Variants in ANK3 observed in about 807,000 individuals in gnomAD.
ANK3 encodes ankyrin 3.
A neutral mutation model predicts 370.9 loss-of-function variants in ANK3; 57 were observed. The observed-to-expected ratio is 0.15, with a 90% CI of 0.12 to 0.19. The LOEUF (loss-of-function observed/expected upper bound fraction) is 0.19, where lower values mean the gene tolerates loss of function less well. Among genes scored for constraint, ANK3 ranks in the 10% least tolerant of loss-of-function variants. The pLI is 1.00. For missense variants in ANK3, 4,439 were observed against 5,302.1 expected (o/e 0.84, Z 5.06); for synonymous variants, 1,929 against 1,946.3 (o/e 0.99, Z 0.23).
At position 60,070,111 on chromosome 10, in the gene ANK3, A is replaced by C; in HGVS notation, c.10770T>G (p.Asp3590Glu). Reference sequence around the variant, plus strand: ...TAGGCTCACTAGTTGGGGTACTTTCATCAGTTGGCGTTCTGGCTGGCGTTG... The same window carrying C: ...TAGGCTCACTAGTTGGGGTACTTTCCTCAGTTGGCGTTCTGGCTGGCGTTG... The part of the protein sequence containing the change: ...PDTTPARTPT[D>E]ESTPTSEPNP... The change falls in exon 37 of 44, where the codon GAT becomes GAG. Residue 3590 changes from aspartate (D) to glutamate (E), a missense_variant. Asp to Glu is a conservative substitution (Grantham distance 45). This residue lies in a region of ANK3 where 1,601 missense variants were observed against 1,731.7 expected (regional missense o/e 0.92). Coordinates refer to ENST00000280772, the MANE Select transcript of ANK3 (RefSeq NM_020987.5). The surrounding 1 kb of genome is among the most constrained non-coding windows in gnomAD (Gnocchi z 5.7). The C allele has an allele frequency of 6.2e-7, 1 of 1,614,090 alleles. No homozygotes were observed. The highest frequency in any genetic ancestry group is 8.5e-7 in the Non-Finnish European group (1 of 1,179,974).
chr10:60,554,920 A>G (rs2077173837), intron 2 of ANK3, among the ~76,000 whole-genome samples: 1 of 152,232 alleles, frequency 6.6e-6, no homozygotes. Flanking sequence ...GGAAAAATGT[A>G]TTTGGAAATA....
chr10:60,298,035 C>T (rs1465610192), intron 1 of ANK3, among the ~76,000 whole-genome samples: 1 of 152,016 alleles, frequency 6.6e-6, no homozygotes, highest in East Asian at 1.9e-4. Context: ...CATCCAAATT[C>T]AAAGATTTTC....
chr10:60,382,211 C>T (rs1236758377), intron 1 of ANK3, among the ~76,000 whole-genome samples: 1 of 152,132 alleles, frequency 6.6e-6, no homozygotes, highest in Non-Finnish European at 1.5e-5. Context: ...CCTCTTAGGG[C>T]CTAGTTCTAT....
intron 7 of ANK3, among the ~76,000 whole-genome samples, chr10:60,243,292 AT>A (rs2097500807): frequency 6.6e-6 from 1 of 152,168 alleles, no homozygotes; most frequent in Non-Finnish European, 1.5e-5. Context: ...TAGAAACTTA[AT>A]CTCCAAATTC....
intron 2 of ANK3, among the ~76,000 whole-genome samples, chr10:60,485,774 A>C (rs2075332235): frequency 6.6e-6 from 1 of 152,184 alleles, no homozygotes. Context: ...ATTTGCTGGG[A>C]CAACATAGGA....
intron 28 of ANK3, among the ~76,000 whole-genome samples, chr10:60,101,959 A>T (rs2132071156): frequency 6.6e-6 from 1 of 152,174 alleles, no homozygotes; most frequent in East Asian, 1.9e-4. Context: ...ACAGAGGCAA[A>T]GGAGCAGTGC....
At chr10:60,328,697 T>C (rs2050476598) in intron 1 of ANK3, among the ~76,000 whole-genome samples, 1 of 152,030 alleles carries the variant, frequency 6.6e-6, no homozygotes, top group Admixed American at 6.6e-5. Context: ...CACAGCTGAA[T>C]TCTACGAAGA....
intron 2 of ANK3, among the ~76,000 whole-genome samples, chr10:60,423,404 C>T (rs1447449933): frequency 6.9e-6 from 1 of 145,914 alleles, no homozygotes; most frequent in East Asian, 2.0e-4. Flanking sequence ...ATCTATTCTG[C>T]AACAATGATT....
intron 25 of ANK3, among the ~76,000 whole-genome samples, chr10:60,123,998 T>C (rs1332650616): frequency 6.6e-6 from 1 of 152,180 alleles, no homozygotes; most frequent in Non-Finnish European, 1.5e-5. Context: ...AAAAACTCAC[T>C]GAATCTCCAT....
chr10:60,207,154 T>G (rs1040581951), intron 10 of ANK3, among the ~76,000 whole-genome samples: 1 of 152,200 alleles, frequency 6.6e-6, no homozygotes, highest in African/African-American at 2.4e-5. Context: ...TTTAGAATTA[T>G]AGTGGCAAGG....
chr10:60,561,427 T>C (rs2077332106), intron 2 of ANK3, among the ~76,000 whole-genome samples: 1 of 152,160 alleles, frequency 6.6e-6, no homozygotes, highest in Non-Finnish European at 1.5e-5. Context: ...GCAAGAAGTT[T>C]TAAAATTCCT....
chr10:60,213,437 G>A lies in ANK3; in HGVS notation c.971C>T (p.Ala324Val), dbSNP rs369098464. Residue 324 changes from alanine to valine, a missense_variant, in exon 9 of 44, where the codon GCT (alanine) becomes GTT (valine). Physicochemically the swap from Ala to Val is moderately conservative, Grantham distance 64. Coordinates refer to ENST00000280772, the MANE Select transcript of ANK3 (RefSeq NM_020987.5). ...EQVVEMLLDR[A>V]APILSKTKNG... ...CTTGGTTTTTGAAAGAATGGGGGCA[G>A]CTCGATCAAGCAACATTTCTACCAC... is the stretch of plus-strand genomic sequence containing the variant. 3 of 1,612,398 alleles carry A rather than the reference G, an allele frequency of 1.9e-6. No homozygotes were observed. Among genetic ancestry groups the A allele is most frequent in the Non-Finnish European group, 2.5e-6 (3 of 1,179,052 alleles).
At chr10:60,658,222 TA>T (rs201886631) in intron 1 of ANK3, among the ~76,000 whole-genome samples, 22 of 149,418 alleles carry the variant, frequency 1.5e-4, no homozygotes, top group East Asian at 9.8e-4. Flanking sequence ...GTTTGCCTTT[TA>T]AAAAAAAAAT....
intron 1 of ANK3, among the ~76,000 whole-genome samples, chr10:60,724,547 C>T (rs1245665083): frequency 1.3e-5 from 2 of 152,064 alleles, no homozygotes; most frequent in African/African-American, 2.4e-5. Context: ...AGATACAATA[C>T]TTTAAGTATC....
intron 1 of ANK3, among the ~76,000 whole-genome samples, chr10:60,284,122 T>G (rs1453490416): frequency 6.6e-6 from 1 of 152,072 alleles, no homozygotes; most frequent in African/African-American, 2.4e-5. Flanking sequence ...AGAAGTCACA[T>G]GGACACATAA....
intron 1 of ANK3, among the ~76,000 whole-genome samples, chr10:60,321,087 G>C (rs923422414): frequency 2.0e-5 from 3 of 152,052 alleles, no homozygotes; most frequent in Admixed American, 6.6e-5. Flanking sequence ...ACATAATAAT[G>C]ATGTTATATA....
At chr10:60,137,555 T>C (rs1248869477) in intron 24 of ANK3, among the ~76,000 whole-genome samples, 3 of 151,976 alleles carry the variant, frequency 2.0e-5, no homozygotes, top group Admixed American at 6.6e-5. Context: ...TTTATAGATT[T>C]TTAAAAAATA....
chr10:60,123,328 C>T (rs967950043), intron 25 of ANK3, among the ~76,000 whole-genome samples: 5 of 152,074 alleles, frequency 3.3e-5, no homozygotes, highest in South Asian at 2.1e-4. Context: ...ATGATATCAC[C>T]GTCTCCAAGA....
chr10:60,133,577 C>T (rs1050170643), intron 25 of ANK3, among the ~76,000 whole-genome samples: 7 of 152,206 alleles, frequency 4.6e-5, no homozygotes, highest in African/African-American at 1.4e-4. Context: ...TCTTTACTTA[C>T]TAAAAACAAT....
Sources: allele counts gnomAD v4.1 joint callset (sites outside exome capture counted in the v4.1 genomes callset), GRCh38; gene constraint gnomAD v4.1.1; regional missense constraint gnomAD v4.1.1; non-coding constraint Gnocchi (gnomAD v3.1); transcripts MANE v1.5; gene names NCBI Gene and HGNC (gene_info 2026-07-23, HGNC 2026-07-21).